Variants in PCDH15 observed in about 807,000 individuals in gnomAD.
PCDH15 encodes protocadherin related 15.
PCDH15 carries 129 observed loss-of-function variants against 178.5 expected under a neutral mutation model. The observed-to-expected ratio is 0.72, with a 90% confidence interval of 0.63 to 0.84. The LOEUF is 0.84. Ranked by LOEUF, PCDH15 falls within the 40% of genes least tolerant of loss-of-function variation. The pLI, the probability that PCDH15 is intolerant of heterozygous loss-of-function variation, is 0.00. For synonymous variants in PCDH15, 800 were observed against 732.0 expected (o/e 1.09, Z -1.50); for missense variants, 2,230 against 2,099.9 (o/e 1.06, Z -1.21).
intron 3 of PCDH15, among the ~76,000 whole-genome samples, chr10:54,835,862 A>G (rs1028100084): frequency 2.6e-5 from 4 of 152,170 alleles, no homozygotes; most frequent in Non-Finnish European, 4.4e-5. Context: ...TGTCACTTAT[A>G]AAAGAAAGAA....
At chr10:54,540,790 C>T (rs528377543) in intron 2 of PCDH15, among the ~76,000 whole-genome samples, 2 of 152,198 alleles carry the variant, frequency 1.3e-5, no homozygotes, top group Non-Finnish European at 2.9e-5. Context: ...TAAAGCTGCA[C>T]ATAAAAAACT....
chr10:54,220,749 C>T (rs2052691001), intron 9 of PCDH15, among the ~76,000 whole-genome samples: 1 of 151,538 alleles, frequency 6.6e-6, no homozygotes, highest in South Asian at 2.1e-4. Context: ...GGAGTGAACC[C>T]AGGAGGCGGA....
chr10:54,922,629 T>C (rs1026843368), intron 2 of PCDH15, among the ~76,000 whole-genome samples: 1 of 152,062 alleles, frequency 6.6e-6, no homozygotes, highest in Admixed American at 6.5e-5. Flanking sequence ...TGGAATGATA[T>C]GTTCGACTCT....
At chr10:55,080,956 G>A (rs988708144) in intron 2 of PCDH15, among the ~76,000 whole-genome samples, 2 of 152,132 alleles carry the variant, frequency 1.3e-5, no homozygotes. Context: ...CCCATTGTTA[G>A]ATAAACCCAA....
At chr10:54,493,031 C>T (rs891281596) in intron 3 of PCDH15, among the ~76,000 whole-genome samples, 7 of 152,062 alleles carry the variant, frequency 4.6e-5, no homozygotes, top group Non-Finnish European at 8.8e-5. Flanking sequence ...ATAAAACCAT[C>T]AAATTTTGTG....
intron 1 of PCDH15, among the ~76,000 whole-genome samples, chr10:55,292,287 A>C (rs932174060): frequency 1.3e-5 from 2 of 152,226 alleles, no homozygotes; most frequent in Admixed American, 1.3e-4. Context: ...CATGTCAAAT[A>C]GGAGAAATTG....
intron 8 of PCDH15, among the ~76,000 whole-genome samples, chr10:54,294,931 AG>A (rs1347635747): frequency 6.6e-6 from 1 of 152,228 alleles, no homozygotes; most frequent in Non-Finnish European, 1.5e-5. Flanking sequence ...TTGGGAAGAA[AG>A]GATGGGAGAA....
chr10:54,737,778 G>T (rs1422477925), intron 1 of PCDH15, among the ~76,000 whole-genome samples: 2 of 152,086 alleles, frequency 1.3e-5, no homozygotes, highest in Admixed American at 6.6e-5. Context: ...AGTACAAATT[G>T]TGAGTTAGGC....
intron 3 of PCDH15, among the ~76,000 whole-genome samples, chr10:54,827,566 A>G (rs1953152065): frequency 6.6e-6 from 1 of 152,150 alleles, no homozygotes; most frequent in East Asian, 1.9e-4. Context: ...TTTTCAGTAC[A>G]CAGTCTTTTA....
chr10:53,888,310 G>GTATATATATATATATACATATATA (rs1554845230), intron 26 of PCDH15, among the ~76,000 whole-genome samples: 2 of 28,712 alleles, frequency 7.0e-5, no homozygotes. Flanking sequence ...ATATATATAT[G>GTATATATATATATATACATATATA]TATATATGTA....
intron 20 of PCDH15, among the ~76,000 whole-genome samples, chr10:54,015,538 G>A (rs2092714045): frequency 6.6e-6 from 1 of 151,958 alleles, no homozygotes; most frequent in African/African-American, 2.4e-5. Flanking sequence ...GCATTGTCCT[G>A]GTACAAAAGC....
intron 2 of PCDH15, among the ~76,000 whole-genome samples, chr10:55,601,450 TA>T (rs1843074547): frequency 6.6e-6 from 1 of 152,066 alleles, no homozygotes; most frequent in African/African-American, 2.4e-5. Context: ...AGGAATAACG[TA>T]AAAGACAGGA....
At chr10:54,518,025 C>T (rs180849617) in intron 3 of PCDH15, among the ~76,000 whole-genome samples, 33 of 152,216 alleles carry the variant, frequency 2.2e-4, no homozygotes, top group East Asian at 1.2e-3. Flanking sequence ...AGAACAAAGA[C>T]GCAATATACC....
intron 26 of PCDH15, among the ~76,000 whole-genome samples, chr10:53,900,210 TC>T (rs1227644630): frequency 8.1e-5 from 1 of 12,368 alleles, no homozygotes; most frequent in African/African-American, 4.9e-4. Context: ...CTCTAAACTT[TC>T]TCTCTCTCTC....
At chr10:55,040,153 A>G (rs1444756936) in intron 2 of PCDH15, among the ~76,000 whole-genome samples, 4 of 152,162 alleles carry the variant, frequency 2.6e-5, no homozygotes, top group Admixed American at 2.6e-4. Context: ...TCTAATTTAC[A>G]GAACTAGAAC....
At chr10:54,139,580 A>G (rs937764408) in intron 14 of PCDH15, among the ~76,000 whole-genome samples, 4 of 152,166 alleles carry the variant, frequency 2.6e-5, no homozygotes, top group African/African-American at 7.2e-5. Flanking sequence ...CTAATATCTG[A>G]TAGTCAGCTC....
intron 2 of PCDH15, among the ~76,000 whole-genome samples, chr10:55,003,010 A>G (rs961810636): frequency 6.6e-6 from 1 of 152,090 alleles, no homozygotes; most frequent in African/African-American, 2.4e-5. Flanking sequence ...TTTTATATAG[A>G]TGTGTTGTTA....
intron 2 of PCDH15, among the ~76,000 whole-genome samples, chr10:55,166,378 C>T (rs1193670745): frequency 5.3e-5 from 8 of 152,102 alleles, no homozygotes; most frequent in Admixed American, 6.6e-5. Context: ...CATTTATTTA[C>T]TACTTGATTA....
At position 54,172,446 on chromosome 10, in the gene PCDH15, A is replaced by G. The variant is rs573505576; in HGVS notation, c.1590+10998T>C. ...CTCAGCCCGCCTGCACCCGGGTGAAATAAACAGCCATGTTGCTCACACAAA... is the reference window on the plus strand; with the variant it reads ...CTCAGCCCGCCTGCACCCGGGTGAAGTAAACAGCCATGTTGCTCACACAAA... On this transcript the variant is annotated intron_variant, in intron 13 of 37. Coordinates refer to ENST00000644397, the MANE Select transcript of PCDH15 (RefSeq NM_001384140.1). 2.4e-4 allele frequency among the ~76,000 whole-genome samples: 37 copies of G among 152,190 alleles called. 1 individual carries two copies. The highest frequency in any genetic ancestry group is 1.9e-4 in the African/African-American group (8 of 41,518).
Sources: gnomAD v4.1 joint callset for allele counts (sites outside exome capture counted in the v4.1 genomes callset) on GRCh38, gnomAD v4.1.1 for gene constraint, MANE v1.5 for transcripts, NCBI Gene and HGNC (gene_info 2026-07-23, HGNC 2026-07-21) for gene names.